ADCY10: variants seen among roughly 807,000 people sequenced by gnomAD.
The protein encoded by ADCY10 is adenylate cyclase 10.
In ADCY10, 156 loss-of-function variants were observed where a neutral mutation model predicts 183.3. That is an observed-to-expected ratio of 0.85 (90% CI 0.75 to 0.97). The LOEUF (loss-of-function observed/expected upper bound fraction) is 0.97. Among genes scored for constraint, ADCY10 ranks in the 50% least tolerant of loss-of-function variants. The pLI is 0.00. For synonymous variants in ADCY10, 645 were observed against 670.0 expected, an observed-to-expected ratio of 0.96 and a Z score of 0.58; for missense variants, 1,745 against 1,934.3, an observed-to-expected ratio of 0.90 and a Z score of 1.84.
chr1:167,821,809 A>G (rs1015992859), intron 30 of ADCY10, among the ~76,000 whole-genome samples: 2 of 152,224 alleles, frequency 1.3e-5, no homozygotes, highest in African/African-American at 2.4e-5. Context: ...TGTTTATTGC[A>G]TGGATGTAAT....
intron 21 of ADCY10, among the ~76,000 whole-genome samples, chr1:167,838,320 A>G (rs879267481): frequency 3.4e-5 from 5 of 148,778 alleles, no homozygotes; most frequent in Middle Eastern, 3.2e-3. Flanking sequence ...CTTAGTGACT[A>G]GCAGCTGAAT....
chr1:167,908,917 AAGCATAACATAC>A (rs1017871355), intron 1 of ADCY10, among the ~76,000 whole-genome samples: 1 of 152,234 alleles, frequency 6.6e-6, no homozygotes, highest in African/African-American at 2.4e-5. Flanking sequence ...ACTTTTATTG[AAGCATAACATAC>A]ATGTAGGAAA....
At chr1:167,844,354 A>G (rs1309565841) in intron 21 of ADCY10, among the ~76,000 whole-genome samples, 2 of 152,238 alleles carry the variant, frequency 1.3e-5, no homozygotes, top group African/African-American at 2.4e-5. Context: ...GAGATGGACT[A>G]GTGTTAGTGC....
At chr1:167,899,737 CA>C in intron 5 of ADCY10, 109 bp from the exon 6 acceptor site, 1 of 993,948 alleles carries the variant, frequency 1.0e-6, no homozygotes, top group Admixed American at 2.0e-5. Flanking sequence ...TATCTCAGAG[CA>C]AAATCTCACT....
intron 30 of ADCY10, chr1:167,820,501 C>G: frequency 2.6e-6 from 1 of 386,666 alleles, no homozygotes; most frequent in Non-Finnish European, 4.6e-6. Flanking sequence ...CTGAGATAGA[C>G]AAGAAAAATA....
In ADCY10 at chr1:167,833,144, G is replaced by A; in HGVS notation, c.3436C>T (p.Gln1146Ter). Residue 1146 changes from glutamine to a stop codon, truncating the protein, a stop_gained, in exon 25 of 33, where the codon CAG (glutamine) becomes TAG (stop). Transcript: ENST00000367851. LOFTEE classifies it high-confidence loss of function. ...AGCATTTTCTTGGCAAGCACTATCTGGCCCATATTGAAACAGACCTACAGG... is the reference window on the plus strand; with the variant it reads ...AGCATTTTCTTGGCAAGCACTATCTAGCCCATATTGAAACAGACCTACAGG... ...LKGEVCFNMG[Q>*]IVLAKKMLRK... 2 of 1,614,116 alleles carry A rather than the reference G, an allele frequency of 1.2e-6. No homozygotes were observed. The highest frequency in any genetic ancestry group is 1.7e-6 in the Non-Finnish European group (2 of 1,179,990).
intron 16 of ADCY10, among the ~76,000 whole-genome samples, chr1:167,858,375 G>A (rs1441784376): frequency 6.6e-6 from 1 of 151,804 alleles, no homozygotes; most frequent in Admixed American, 6.6e-5. Context: ...GTGCGTGCCT[G>A]TAGTCCCAGC....
At position 167,845,599 on chromosome 1, in the gene ADCY10, C is replaced by T; in HGVS notation, c.2971G>A (p.Ala991Thr). The T allele has an allele frequency of 1.2e-6, 2 of 1,614,210 alleles. No individual in the cohort carries two copies. Among genetic ancestry groups the T allele is most frequent in the South Asian group, 2.2e-5 (2 of 91,080 alleles). ...TGAGACATAGCCATCTTTTTAATGG[C>T]ATCCATGTCTAAAGCGTTGAGCCGA... ...NIRLNALDMD[A>T]IKKMAMSHGF... Residue 991 changes from alanine (A) to threonine (T), a missense_variant, in exon 21 of 33, where the codon GCC (alanine) becomes ACC (threonine). Coordinates refer to ENST00000367851, the MANE Select transcript of ADCY10 (RefSeq NM_018417.6).
intron 14 of ADCY10, among the ~76,000 whole-genome samples, chr1:167,864,761 T>TA (rs1666560915): frequency 1.3e-5 from 2 of 152,330 alleles, no homozygotes; most frequent in South Asian, 4.1e-4. Flanking sequence ...AACACTCTAA[T>TA]ACCACTTTGT....
chr1:167,886,346 A>G (rs1027674683), intron 8 of ADCY10, among the ~76,000 whole-genome samples: 1 of 152,224 alleles, frequency 6.6e-6, no homozygotes, highest in African/African-American at 2.4e-5. Context: ...GTACCAAAAC[A>G]GAAATATAGA....
intron 21 of ADCY10, among the ~76,000 whole-genome samples, chr1:167,837,872 AG>A (rs1469065508): frequency 6.6e-6 from 1 of 152,270 alleles, no homozygotes; most frequent in East Asian, 1.9e-4. Context: ...GGTTAACTGA[AG>A]GGCAGAGAAT....
At chr1:167,813,669 T>C (rs1416998535) in intron 31 of ADCY10, among the ~76,000 whole-genome samples, 1 of 152,202 alleles carries the variant, frequency 6.6e-6, no homozygotes, top group Non-Finnish European at 1.5e-5. Context: ...TTGTAACTTG[T>C]TTTGTTTTCT....
rs1667360349 is a variant in ADCY10 at position 167,875,140 on chromosome 1, G to T, written c.1453C>A (p.Pro485Thr). Residue 485 changes from proline to threonine, a missense_variant, in exon 13 of 33, where the codon CCT (proline) becomes ACT (threonine). By Grantham distance (38) the Pro-to-Thr change is conservative (BLOSUM62 -1). Transcript: ENST00000367851. Reference sequence around the variant, plus strand: ...AAGGCCTACTACCTACCCAGCAAAGGGTAATCCTCCTTTCTGTTGCAGATG... The same window carrying T: ...AAGGCCTACTACCTACCCAGCAAAGTGTAATCCTCCTTTCTGTTGCAGATG... ...CLICNRKEDY[P>T]LLGRNKEINY... 1 of 1,613,942 alleles carries T rather than the reference G, an allele frequency of 6.2e-7. No homozygotes were observed. Among genetic ancestry groups the T allele is most frequent in the African/African-American group, 1.3e-5 (1 of 74,898 alleles).
intron 12 of ADCY10, among the ~76,000 whole-genome samples, chr1:167,876,084 C>T (rs1160934244): frequency 6.6e-6 from 1 of 152,080 alleles, no homozygotes; most frequent in Non-Finnish European, 1.5e-5. Context: ...TGGTGAAAAC[C>T]TGTCTCTACT....
Position 167,845,780 on chromosome 1 carries a change from G to T in ADCY10, c.2790C>A (p.Asn930Lys). Residue 930 changes from asparagine (N) to lysine (K), a missense_variant, in exon 21 of 33, where the codon AAC becomes AAA. Asn to Lys is a moderately conservative substitution (Grantham distance 94). Transcript: ENST00000367851. ...VIECHRIRFCNPMMQKTAYEL... is the reference protein window; with the variant it reads ...VIECHRIRFCKPMMQKTAYEL... ...CGTAGGCTGTTTTCTGCATCATAGG[G>T]TTACAGAATCGAATCCTGTGGCACT... 6.2e-7 allele frequency: 1 copy of T among 1,614,158 alleles called. No individual in the cohort carries two copies. Among genetic ancestry groups the T allele is most frequent in the Non-Finnish European group, 8.5e-7 (1 of 1,180,036 alleles).
intron 19 of ADCY10, 74 bp from the exon 20 acceptor site, chr1:167,846,337 A>T: frequency 6.4e-7 from 1 of 1,568,590 alleles, no homozygotes; most frequent in Non-Finnish European, 8.8e-7. Context: ...AATATAGAGC[A>T]GGTGGACAAC....
Position 167,846,116 on chromosome 1 carries a change from G to T in ADCY10, c.2585C>A (p.Ala862Glu). The T allele has an allele frequency of 1.2e-6, 2 of 1,614,168 alleles. No individual in the cohort carries two copies. Among genetic ancestry groups the T allele is most frequent in the Non-Finnish European group, 1.7e-6 (2 of 1,180,010 alleles). ...WNMKMMIKTL[A>E]TLVESNIFYC... The stretch of plus-strand genomic sequence containing the variant: ...AAAAATGTTAGATTCCACTAGGGTT[G>T]CCAGGGTCTTGATCATCATCTTCAT... Residue 862 changes from alanine to glutamate, a missense_variant, in exon 20 of 33, where the codon GCA becomes GAA. Physicochemically the swap from Ala to Glu is moderately radical, Grantham distance 107. Coordinates refer to ENST00000367851, the MANE Select transcript of ADCY10 (RefSeq NM_018417.6).
At chr1:167,818,409 C>T in intron 30 of ADCY10, 142 bp from the exon 31 acceptor site, 1 of 805,754 alleles carries the variant, frequency 1.2e-6, no homozygotes, top group East Asian at 2.4e-5. Flanking sequence ...CTGCTTCACA[C>T]TCCCTAAAAA....
At chr1:167,841,697 C>T (rs543598650) in intron 21 of ADCY10, among the ~76,000 whole-genome samples, 1 of 151,906 alleles carries the variant, frequency 6.6e-6, no homozygotes, top group Non-Finnish European at 1.5e-5. Flanking sequence ...GCTATCCTGC[C>T]CAGGCTGGTC....
Sources: gnomAD v4.1 joint callset for allele counts (sites outside exome capture counted in the v4.1 genomes callset) on GRCh38, gnomAD v4.1.1 for gene constraint, MANE v1.5 for transcripts, NCBI Gene and HGNC (gene_info 2026-07-23, HGNC 2026-07-21) for gene names.